Variants in CR2 observed in about 807,000 individuals in gnomAD.
The protein encoded by CR2 is complement C3d receptor 2, also known as complement receptor type 2.
Under a neutral mutation model 123.0 loss-of-function variants are expected in CR2, and 96 were observed. The observed-to-expected ratio is 0.78, with a 90% CI of 0.66 to 0.93. The LOEUF (loss-of-function observed/expected upper bound fraction) is 0.93, where lower values mean the gene tolerates loss of function less well. Ranked by LOEUF, CR2 falls within the 40% of genes least tolerant of loss-of-function variation. CR2 has a pLI of 0.00. For synonymous variants in CR2, 484 were observed against 469.5 expected, an observed-to-expected ratio of 1.03 and a Z score of -0.40; for missense variants, 1,258 against 1,361.0, an observed-to-expected ratio of 0.92 and a Z score of 1.19.
At chr1:207,471,752 A>T in intron 9 of CR2, 1 of 420,638 alleles carries the variant, frequency 2.4e-6, no homozygotes, top group South Asian at 2.1e-5. Flanking sequence ...AGCGGTGAGT[A>T]TATGAGCCAC....
chr1:207,458,571 C>T (rs539109370), intron 1 of CR2, among the ~76,000 whole-genome samples: 23 of 152,198 alleles, frequency 1.5e-4, no homozygotes, highest in Non-Finnish European at 2.9e-4. Context: ...ATACCAAATC[C>T]ATTCCTCCTG....
At chr1:207,456,229 A>G (rs1316196065) in intron 1 of CR2, among the ~76,000 whole-genome samples, 2 of 152,108 alleles carry the variant, frequency 1.3e-5, no homozygotes, top group Non-Finnish European at 2.9e-5. Context: ...TGCGCTGCTC[A>G]TGGTCTTCCC....
intron 13 of CR2, 136 bp downstream of exon 13, chr1:207,474,459 G>A: frequency 1.4e-6 from 1 of 729,092 alleles, no homozygotes. Flanking sequence ...AAAATCTTAT[G>A]GTGTTGGTCA....
chr1:207,474,995 G>A lies in CR2; in HGVS notation c.2495G>A (p.Ser832Asn), dbSNP rs775501900. 4.3e-6 allele frequency: 7 copies of A among 1,614,136 alleles called. No individual in the cohort carries two copies. The South Asian group carries it at 4.4e-5, about 10-fold the overall frequency. Reference protein sequence around the residue: ...RSDSKGHGSWSGPSPQCLRSP... With the variant: ...RSDSKGHGSWNGPSPQCLRSP... Reference sequence around the variant, plus strand: ...GATTCTAAAGGACATGGATCTTGGAGCGGGCCTTCCCCACAGTGCTTACGA... The same window carrying A: ...GATTCTAAAGGACATGGATCTTGGAACGGGCCTTCCCCACAGTGCTTACGA... The change falls in exon 14 of 20, where the codon AGC (serine) becomes AAC (asparagine). Residue 832 changes from serine (S) to asparagine (N), a missense_variant. Coordinates refer to ENST00000367057, the MANE Select transcript of CR2 (RefSeq NM_001006658.3).
rs1459963819 is a variant in CR2 at position 207,473,610 on chromosome 1, TCTGGGATGA to T, written c.2048_2056del (p.Gly683_Thr685del). The T allele has an allele frequency of 1.9e-6, 3 of 1,613,998 alleles. No individual in the cohort carries two copies. Among genetic ancestry groups the T allele is most frequent in the Non-Finnish European group, 1.7e-6 (2 of 1,179,898 alleles). Reference sequence around the variant, plus strand: ...AGGTGGAAATACGGTCTTCTTTGTCTCTGGGATGACTGTAGACTACACTTGTGACCCTGG... The same window carrying T: ...AGGTGGAAATACGGTCTTCTTTGTCTCTGTAGACTACACTTGTGACCCTGG... On this transcript the variant is annotated inframe_deletion, in exon 11 of 20. Transcript: ENST00000367057.
chr1:207,466,469 T>C, intron 1 of CR2, 57 bp from the exon 2 acceptor site: 1 of 1,592,050 alleles, frequency 6.3e-7, no homozygotes, highest in South Asian at 1.1e-5. Flanking sequence ...TTACCTACAT[T>C]TGAATATTTT....
intron 5 of CR2, among the ~76,000 whole-genome samples, 161 bp downstream of exon 5, chr1:207,469,393 T>C (rs1658198990): frequency 6.6e-6 from 1 of 152,156 alleles, no homozygotes; most frequent in Non-Finnish European, 1.5e-5. Context: ...TTTCCTCAAG[T>C]AAAATGGGGT....
chr1:207,481,029 CA>C (rs1245946784), intron 18 of CR2, among the ~76,000 whole-genome samples: 1 of 151,980 alleles, frequency 6.6e-6, no homozygotes, highest in Non-Finnish European at 1.5e-5. Context: ...TCCATTTGAT[CA>C]AGTAATCTTT....
At chr1:207,475,462 C>T (rs1272417643) in intron 14 of CR2, among the ~76,000 whole-genome samples, 1 of 152,170 alleles carries the variant, frequency 6.6e-6, no homozygotes, top group African/African-American at 2.4e-5. Context: ...TTGATAGCAT[C>T]TCCAAAAATT....
intron 18 of CR2, among the ~76,000 whole-genome samples, chr1:207,481,680 C>G (rs1464125241): frequency 1.3e-5 from 2 of 152,016 alleles, no homozygotes; most frequent in African/African-American, 4.8e-5. Flanking sequence ...TACCAGATGA[C>G]TAATTATTCA....
chr1:207,478,129 A>T, intron 16 of CR2, 59 bp downstream of exon 16: 1 of 1,548,168 alleles, frequency 6.5e-7, no homozygotes, highest in Non-Finnish European at 8.8e-7. Flanking sequence ...AGAGAGTGAG[A>T]GTTTCCCTCA....
chr1:207,458,067 C>CACACACACACACACACACACAT lies in CR2; in HGVS notation c.58+3612_58+3613insTACACACACACACACACACACA, dbSNP rs1553278515. Among the ~76,000 whole-genome samples, 229 of 146,446 alleles carry CACACACACACACACACACACAT rather than the reference C, an allele frequency of 1.6e-3. 3 individuals are homozygous for CACACACACACACACACACACAT. Among genetic ancestry groups the CACACACACACACACACACACAT allele is most frequent in the African/African-American group, 5.1e-3 (195 of 37,880 alleles). ...CCCTACCTCAAGGCCACAACACACA[C>CACACACACACACACACACACAT]ACACACACACACACACACACACACA... On this transcript the variant is annotated intron_variant, in intron 1 of 19. Transcript: ENST00000367057.
chr1:207,454,475 C>T lies in CR2; in HGVS notation c.57C>T (p.Leu19=), dbSNP rs771911017. 6.4e-7 allele frequency: 1 copy of T among 1,564,210 alleles called. No individual in the cohort carries two copies. Among genetic ancestry groups the T allele is most frequent in the Non-Finnish European group, 8.6e-7 (1 of 1,160,160 alleles). The change falls in exon 1 of 20, where the codon CTC becomes CTT. Residue 19 remains leucine, a splice_region_variant and synonymous_variant. Transcript: ENST00000367057. This position sits in a 1 kb window ranked among gnomAD's most constrained non-coding sequence, Gnocchi z 4.3. ...TGGCTCTCGTCGCACCGGGGGTCCT[C>T]GGTGAGCTGGGAGGGGGAGCACGGA... ...VFLALVAPGV[L]GISCGSPPPI...
At chr1:207,467,006 A>G (rs908147204) in intron 2 of CR2, 94 bp downstream of exon 2, 5 of 1,392,694 alleles carry the variant, frequency 3.6e-6, no homozygotes, top group Non-Finnish European at 4.8e-6. Flanking sequence ...AACAGTGTGA[A>G]CATGTAATGA....
At position 207,454,452 on chromosome 1, in the gene CR2, G is replaced by A; in HGVS notation, c.34G>A (p.Ala12Thr). Residue 12 changes from alanine (A) to threonine (T), a missense_variant, in exon 1 of 20, where the codon GCT (alanine) becomes ACT (threonine). Ala to Thr is a moderately conservative substitution (Grantham distance 58). Coordinates refer to ENST00000367057, the MANE Select transcript of CR2 (RefSeq NM_001006658.3). This position sits in a 1 kb window ranked among gnomAD's most constrained non-coding sequence, Gnocchi z 4.3. ...GAAGLLGVFL[A>T]LVAPGVLGIS... ...CGCGGGCCTGCTCGGGGTTTTCTTGGCTCTCGTCGCACCGGGGGTCCTCGG... is the reference window on the plus strand; with the variant it reads ...CGCGGGCCTGCTCGGGGTTTTCTTGACTCTCGTCGCACCGGGGGTCCTCGG... 6.3e-7 allele frequency: 1 copy of A among 1,582,248 alleles called. No homozygotes were observed. The highest frequency in any genetic ancestry group is 8.5e-7 in the Non-Finnish European group (1 of 1,170,302).
intron 1 of CR2, among the ~76,000 whole-genome samples, chr1:207,462,771 T>A (rs1373088452): frequency 1.3e-5 from 2 of 152,096 alleles, no homozygotes; most frequent in Non-Finnish European, 2.9e-5. Context: ...AGTTAGAGGA[T>A]GAGTTACAAA....
In CR2 at chr1:207,470,770, G is replaced by A; in HGVS notation, c.1256G>A (p.Gly419Glu). The A allele has an allele frequency of 1.9e-6, 3 of 1,613,776 alleles. No individual in the cohort carries two copies. Among genetic ancestry groups the A allele is most frequent in the Non-Finnish European group, 2.5e-6 (3 of 1,179,850 alleles). Residue 419 changes from glycine (G) to glutamate (E), a missense_variant, in exon 7 of 20, where the codon GGG becomes GAG. Transcript: ENST00000367057. ...CAGGCCCCTCCTAACATCCTCAATGGGCAAAAGGAAGATAGACACATGGTC... is the reference window on the plus strand; with the variant it reads ...CAGGCCCCTCCTAACATCCTCAATGAGCAAAAGGAAGATAGACACATGGTC... ...ECQAPPNILN[G>E]QKEDRHMVRF...
chr1:207,471,117 A>G (rs1228210737), intron 8 of CR2, 30 bp downstream of exon 8: 1 of 1,599,278 alleles, frequency 6.3e-7, no homozygotes, highest in Non-Finnish European at 8.6e-7. Flanking sequence ...GTCTGACCCA[A>G]TTCCGGTGTA....
intron 2 of CR2, 147 bp downstream of exon 2, chr1:207,467,059 G>T (rs1658121894): frequency 2.0e-6 from 2 of 992,046 alleles, no homozygotes; most frequent in Non-Finnish European, 2.8e-6. Context: ...GAAAGTTATG[G>T]CTTCTTCGTG....
Sources: allele counts gnomAD v4.1 joint callset (sites outside exome capture counted in the v4.1 genomes callset), GRCh38; gene constraint gnomAD v4.1.1; non-coding constraint Gnocchi (gnomAD v3.1); transcripts MANE v1.5; gene names NCBI Gene and HGNC (gene_info 2026-07-23, HGNC 2026-07-21).